FAT3: variants seen among roughly 807,000 people sequenced by gnomAD.
The protein encoded by FAT3 is protocadherin Fat 3.
Under a neutral mutation model 310.2 loss-of-function variants are expected in FAT3, and 95 were observed. The ratio of observed to expected loss-of-function variants is 0.31; its 90% CI spans 0.26 to 0.36. The LOEUF is 0.36. Among genes scored for constraint, FAT3 ranks in the 10% least tolerant of loss-of-function variants. The pLI is 1.00. For missense variants in FAT3, 5,408 were observed against 5,715.6 expected (o/e 0.95, Z 1.74); for synonymous variants, 2,314 against 2,192.9 (o/e 1.06, Z -1.54).
At chr11:92,649,951 C>T (rs1462493290) in intron 3 of FAT3, among the ~76,000 whole-genome samples, 9 of 135,338 alleles carry the variant, frequency 6.7e-5, no homozygotes, top group Non-Finnish European at 8.0e-5. Context: ...TTTTCTTTCT[C>T]CTTTTCACTT....
intron 1 of FAT3, among the ~76,000 whole-genome samples, chr11:92,312,258 G>A (rs1947325725): frequency 6.6e-6 from 1 of 152,306 alleles, no homozygotes; most frequent in Non-Finnish European, 1.5e-5. Flanking sequence ...GTATATGGGA[G>A]TTGTTTAGTA....
chr11:92,673,148 C>G (rs1203259834), intron 3 of FAT3, among the ~76,000 whole-genome samples: 1 of 152,134 alleles, frequency 6.6e-6, no homozygotes, highest in East Asian at 1.9e-4. Context: ...GAAGGTCAAG[C>G]TAATTTTTCA....
chr11:92,765,731 A>C (rs190327261), intron 6 of FAT3, among the ~76,000 whole-genome samples: 1 of 150,406 alleles, frequency 6.6e-6, no homozygotes, highest in South Asian at 2.1e-4. Flanking sequence ...CAACTATTGC[A>C]TTACTCGTAT....
At chr11:92,293,791 A>G (rs1275638411) in intron 1 of FAT3, among the ~76,000 whole-genome samples, 3 of 151,802 alleles carry the variant, frequency 2.0e-5, no homozygotes, top group Admixed American at 6.6e-5. Context: ...CTTTGCTTTC[A>G]TAAGGATCTT....
At chr11:92,322,972 A>AT (rs111874798) in intron 1 of FAT3, among the ~76,000 whole-genome samples, 20,947 of 151,932 alleles carry the variant, frequency 0.14, 2,862 homozygotes, top group African/African-American at 0.35. Context: ...TAGAATGATG[A>AT]TTTTTTTCTC....
intron 4 of FAT3, among the ~76,000 whole-genome samples, chr11:92,732,272 G>A (rs759640483): frequency 2.0e-4 from 30 of 152,226 alleles, no homozygotes; most frequent in Non-Finnish European, 3.5e-4. Context: ...TTTATAGAAA[G>A]ATCAAAATAA....
At chr11:92,841,914 C>T (rs1948561138) in intron 18 of FAT3, among the ~76,000 whole-genome samples, 1 of 152,108 alleles carries the variant, frequency 6.6e-6, no homozygotes, top group Admixed American at 6.5e-5. Flanking sequence ...CTCTTCTGAC[C>T]CAACTCTTCA....
chr11:92,712,215 G>A (rs943471193), intron 4 of FAT3, among the ~76,000 whole-genome samples: 1 of 151,974 alleles, frequency 6.6e-6, no homozygotes, highest in African/African-American at 2.4e-5. Context: ...GATGATGCAG[G>A]TAGAATAAGG....
rs779700573 is a variant in FAT3 at position 92,762,537 on chromosome 11, A to G, written c.3984+367A>G. Among the ~76,000 whole-genome samples the G allele has an allele frequency of 6.6e-5, 10 of 152,172 alleles. 1 individual carries two copies. The highest frequency in any genetic ancestry group is 3.9e-4 in the Admixed American group (6 of 15,280). On this transcript the variant is annotated intron_variant, in intron 5 of 27. Coordinates refer to ENST00000525166, the MANE Select transcript of FAT3 (RefSeq NM_001367949.2). ...CAACACATCCTACCCACCACTGAAC[A>G]TATCTCTCAACATGTCCCCGAGACT...
chr11:92,881,249 T>C (rs1949664691), intron 23 of FAT3, among the ~76,000 whole-genome samples: 1 of 152,366 alleles, frequency 6.6e-6, no homozygotes, highest in South Asian at 2.1e-4. Flanking sequence ...AACTGGACTC[T>C]ACGGCCTATT....
intron 3 of FAT3, among the ~76,000 whole-genome samples, chr11:92,629,864 A>G (rs967765567): frequency 2.0e-5 from 3 of 152,156 alleles, no homozygotes; most frequent in African/African-American, 7.2e-5. Flanking sequence ...CCCAAACAAC[A>G]TGTACATCAG....
At chr11:92,351,305 T>C (rs371376642) in intron 1 of FAT3, among the ~76,000 whole-genome samples, 9 of 152,136 alleles carry the variant, frequency 5.9e-5, no homozygotes, top group African/African-American at 2.2e-4. Context: ...GTAAGCACAA[T>C]AAAAGATGGT....
intron 1 of FAT3, among the ~76,000 whole-genome samples, chr11:92,277,767 G>A (rs772329030): frequency 5.9e-5 from 9 of 152,008 alleles, no homozygotes; most frequent in Non-Finnish European, 1.2e-4. Flanking sequence ...TAGCACCTGA[G>A]TGACGGGGTC....
intron 2 of FAT3, among the ~76,000 whole-genome samples, chr11:92,501,861 C>T (rs948188151): frequency 6.6e-6 from 1 of 151,806 alleles, no homozygotes; most frequent in African/African-American, 2.4e-5. Context: ...ATCATTCAGT[C>T]CAAATGAATA....
chr11:92,534,716 A>G (rs1322158866), intron 3 of FAT3, among the ~76,000 whole-genome samples: 1 of 152,202 alleles, frequency 6.6e-6, no homozygotes, highest in Non-Finnish European at 1.5e-5. Flanking sequence ...AAGGAAGACA[A>G]CGTGCAGAGA....
chr11:92,431,803 G>C (rs886349522), intron 2 of FAT3, among the ~76,000 whole-genome samples: 2 of 152,076 alleles, frequency 1.3e-5, no homozygotes, highest in African/African-American at 2.4e-5. Context: ...AAGATCAGAT[G>C]GTTGTAGATA....
intron 2 of FAT3, 131 bp downstream of exon 2, chr11:92,355,535 A>G: frequency 1.2e-6 from 1 of 814,856 alleles, no homozygotes; most frequent in Non-Finnish European, 1.9e-6. Context: ...GAGACGACGC[A>G]CATAGATGCT....
intron 2 of FAT3, among the ~76,000 whole-genome samples, chr11:92,486,130 GTTTTTTTTTTTTTTT>G (rs71064714): frequency 5.4e-5 from 2 of 37,126 alleles, no homozygotes; most frequent in African/African-American, 1.7e-4. Context: ...GGCTGCTGGG[GTTTTTTTTTTTTTTT>G]TTTTTTTTTT....
At chr11:92,329,508 G>C (rs1947851699) in intron 1 of FAT3, among the ~76,000 whole-genome samples, 1 of 151,890 alleles carries the variant, frequency 6.6e-6, no homozygotes, top group Non-Finnish European at 1.5e-5. Context: ...GCAGAACACT[G>C]AGCCAAATAA....
Sources: allele counts gnomAD v4.1 joint callset (sites outside exome capture counted in the v4.1 genomes callset), GRCh38; gene constraint gnomAD v4.1.1; transcripts MANE v1.5; gene names NCBI Gene and HGNC (gene_info 2026-07-23, HGNC 2026-07-21).